The following TPST1 variants were observed in gnomAD, a reference collection of about 807,000 sequenced individuals.
The protein encoded by TPST1 is protein-tyrosine sulfotransferase 1.
In TPST1, 20 loss-of-function variants were observed where a neutral mutation model predicts 34.8. The ratio of observed to expected loss-of-function variants is 0.57; its 90% CI spans 0.40 to 0.84. TPST1 has a LOEUF of 0.84. Ranked by LOEUF, TPST1 falls within the 40% of genes least tolerant of loss-of-function variation. The pLI is 0.00. For missense variants in TPST1, 353 were observed against 455.5 expected (o/e 0.78, Z 2.05); for synonymous variants, 152 against 159.4 (o/e 0.95, Z 0.35).
chr7:66,204,102 A>G (rs1000330643), upstream of TPST1, among the ~76,000 whole-genome samples: 3 of 151,938 alleles, frequency 2.0e-5, no homozygotes, highest in African/African-American at 7.2e-5. Context: ...ACTTGAGCCC[A>G]GGAGGTGGAG....
intron 1 of TPST1, among the ~76,000 whole-genome samples, chr7:66,236,258 C>T (rs1789910809): frequency 6.6e-6 from 1 of 152,044 alleles, no homozygotes; most frequent in African/African-American, 2.4e-5. Context: ...TAGGGTTGTA[C>T]AACTATGACA....
At chr7:66,324,185 G>T (rs542945279) in intron 3 of TPST1, among the ~76,000 whole-genome samples, 48 of 152,296 alleles carry the variant, frequency 3.2e-4, no homozygotes, top group African/African-American at 1.1e-3. Flanking sequence ...TGACTTATGG[G>T]GTACATAGAA....
At chr7:66,340,959 C>T (rs1199159476) in intron 3 of TPST1, among the ~76,000 whole-genome samples, 1 of 152,054 alleles carries the variant, frequency 6.6e-6, no homozygotes, top group African/African-American at 2.4e-5. Context: ...TGCACCAAGC[C>T]GAGATCATGC....
chr7:66,217,996 C>T (rs1039191558), intron 1 of TPST1, among the ~76,000 whole-genome samples: 4 of 152,148 alleles, frequency 2.6e-5, no homozygotes, highest in African/African-American at 4.8e-5. Flanking sequence ...TCTCCTGCCT[C>T]AGCCTCCTGA....
At chr7:66,201,085 G>T (rs1444404652), upstream of TPST1, among the ~76,000 whole-genome samples, 1 of 152,156 alleles carries the variant, frequency 6.6e-6, no homozygotes, top group South Asian at 2.1e-4. Context: ...GGTAAAGCCC[G>T]GGAGAGAAAA....
chr7:66,343,368 A>G (rs967254025), intron 3 of TPST1, among the ~76,000 whole-genome samples: 1 of 152,150 alleles, frequency 6.6e-6, no homozygotes, highest in Non-Finnish European at 1.5e-5. Flanking sequence ...ATTCATGGAC[A>G]TAAAGATGGG....
intron 3 of TPST1, among the ~76,000 whole-genome samples, chr7:66,293,646 T>C (rs1791133507): frequency 6.6e-6 from 1 of 152,252 alleles, no homozygotes; most frequent in African/African-American, 2.4e-5. Context: ...ATACTCACTG[T>C]TGGGAGATTT....
intron 1 of TPST1, among the ~76,000 whole-genome samples, chr7:66,238,669 A>G (rs1789961826): frequency 6.6e-6 from 1 of 152,186 alleles, no homozygotes; most frequent in Non-Finnish European, 1.5e-5. Flanking sequence ...TTTACTAGAA[A>G]TCTGTTGATT....
intron 1 of TPST1, among the ~76,000 whole-genome samples, chr7:66,226,109 G>A (rs1390681335): frequency 1.3e-5 from 2 of 151,870 alleles, no homozygotes; most frequent in African/African-American, 4.8e-5. Context: ...GGATGGTCTC[G>A]ATCTCCTGAC....
chr7:66,334,173 A>G (rs911237857), intron 3 of TPST1, among the ~76,000 whole-genome samples: 1 of 152,154 alleles, frequency 6.6e-6, no homozygotes, highest in Non-Finnish European at 1.5e-5. Context: ...GAACAGTTAG[A>G]CTTCCAGATC....
At chr7:66,313,864 C>G (rs979333074) in intron 3 of TPST1, among the ~76,000 whole-genome samples, 1 of 151,588 alleles carries the variant, frequency 6.6e-6, no homozygotes, top group African/African-American at 2.4e-5. Context: ...TTTTTTTCCT[C>G]CCCTACCAGT....
At chr7:66,270,430 C>T (rs944859416) in intron 2 of TPST1, among the ~76,000 whole-genome samples, 5 of 152,212 alleles carry the variant, frequency 3.3e-5, no homozygotes, top group African/African-American at 9.6e-5. Context: ...TAAGTCCCCT[C>T]CTCTTCTCCC....
intron 2 of TPST1, among the ~76,000 whole-genome samples, chr7:66,256,413 T>G (rs1329269604): frequency 6.6e-6 from 1 of 152,228 alleles, no homozygotes; most frequent in Non-Finnish European, 1.5e-5. Flanking sequence ...TAGCTGGATC[T>G]TCTGCTTCAG....
At chr7:66,312,086 A>C (rs939331077) in intron 3 of TPST1, among the ~76,000 whole-genome samples, 1 of 152,224 alleles carries the variant, frequency 6.6e-6, no homozygotes, top group African/African-American at 2.4e-5. Context: ...GGTTTTGTGT[A>C]CAAGCACAAA....
chr7:66,238,878 A>C (rs1160598653), intron 1 of TPST1, among the ~76,000 whole-genome samples: 1 of 152,186 alleles, frequency 6.6e-6, no homozygotes, highest in Non-Finnish European at 1.5e-5. Flanking sequence ...CCCTTGCTCT[A>C]GCTAAACTAG....
intron 1 of TPST1, among the ~76,000 whole-genome samples, chr7:66,232,623 C>G (rs1285837322): frequency 6.6e-6 from 1 of 152,136 alleles, no homozygotes; most frequent in Non-Finnish European, 1.5e-5. Flanking sequence ...TCCCAAAGTG[C>G]TGGGATTACA....
intron 3 of TPST1, among the ~76,000 whole-genome samples, chr7:66,304,179 A>G (rs1255957118): frequency 1.3e-5 from 2 of 152,362 alleles, no homozygotes; most frequent in Admixed American, 1.3e-4. Context: ...CAATAGGAGT[A>G]GGGAATGAGC....
chr7:66,230,303 A>G (rs1007555847), intron 1 of TPST1, among the ~76,000 whole-genome samples: 17 of 152,242 alleles, frequency 1.1e-4, no homozygotes, highest in African/African-American at 3.4e-4. Context: ...ATGGAATCAT[A>G]CAGTATGTAG....
rs564764626 is a variant in TPST1 at position 66,270,705 on chromosome 7, C to T, written c.846-15806C>T. Among the ~76,000 whole-genome samples the T allele has an allele frequency of 7.2e-5, 11 of 152,284 alleles. No individual in the cohort carries two copies. The South Asian group carries it at 2.3e-3, about 32-fold the overall frequency. ...TTGGAAAATTGTGCAGTTTTGCAAT[C>T]GAACTGCTGATTATCCAGCATGTTC... On this transcript the variant is annotated intron_variant, in intron 2 of 5. Coordinates refer to ENST00000304842, the MANE Select transcript of TPST1 (RefSeq NM_003596.4).
Sources: gnomAD v4.1 joint callset for allele counts (sites outside exome capture counted in the v4.1 genomes callset) on GRCh38, gnomAD v4.1.1 for gene constraint, MANE v1.5 for transcripts, NCBI Gene and HGNC (gene_info 2026-07-23, HGNC 2026-07-21) for gene names.